SAMD5: variants seen among roughly 807,000 people sequenced by gnomAD.
The protein encoded by SAMD5 is sterile alpha motif domain containing 5.
A neutral mutation model predicts 11.3 loss-of-function variants in SAMD5; 13 were observed. The observed-to-expected ratio is 1.15, with a 90% CI of 0.75 to 1.83. SAMD5 has a LOEUF of 1.83. SAMD5 is among the 40% of genes most tolerant of loss of function. The pLI, the probability that SAMD5 is intolerant of heterozygous loss-of-function variation, is 0.00. For synonymous variants in SAMD5, 129 were observed against 111.3 expected (o/e 1.16, Z -1.00); for missense variants, 255 against 239.1 (o/e 1.07, Z -0.44).
At chr6:147,529,208 A>C (rs1363095744) in intron 1 of SAMD5, among the ~76,000 whole-genome samples, 2 of 152,356 alleles carry the variant, frequency 1.3e-5, no homozygotes, top group East Asian at 3.9e-4. Context: ...CAATAAAACT[A>C]CTAGGGAAAT....
intron 1 of SAMD5, among the ~76,000 whole-genome samples, chr6:147,697,436 G>T (rs1018846539): frequency 1.3e-5 from 2 of 152,050 alleles, no homozygotes; most frequent in Non-Finnish European, 2.9e-5. Context: ...GAAAACATGG[G>T]GTATGTAGGC....
the SAMD5 span, among the ~76,000 whole-genome samples, chr6:147,864,059 G>T: frequency 2.0e-5 from 3 of 151,840 alleles, no homozygotes; most frequent in African/African-American, 7.3e-5. Context: ...GGCCAGGCTG[G>T]TCTCAAACTC....
chr6:147,876,184 G>C, the SAMD5 span, among the ~76,000 whole-genome samples: 108 of 152,236 alleles, frequency 7.1e-4, no homozygotes, highest in African/African-American at 2.5e-3. Context: ...TTTAAACAAG[G>C]GGTCCTGCAT....
At chr6:147,548,703 T>C (rs1027170188) in intron 1 of SAMD5, among the ~76,000 whole-genome samples, 1 of 152,180 alleles carries the variant, frequency 6.6e-6, no homozygotes, top group Non-Finnish European at 1.5e-5. Flanking sequence ...ACTTAATATT[T>C]CTAAAAATAT....
chr6:147,527,256 T>C (rs139579166), intron 1 of SAMD5, among the ~76,000 whole-genome samples: 1 of 152,082 alleles, frequency 6.6e-6, no homozygotes, highest in Non-Finnish European at 1.5e-5. Context: ...CTACAGGCTG[T>C]ACAGGAAGCA....
intron 1 of SAMD5, among the ~76,000 whole-genome samples, chr6:147,563,905 T>C (rs1305875666): frequency 1.4e-4 from 22 of 152,242 alleles, no homozygotes; most frequent in Admixed American, 1.4e-3. Flanking sequence ...GAATCATTTT[T>C]ACTTTGGAAG....
chr6:147,803,374 T>G, the SAMD5 span, among the ~76,000 whole-genome samples: 1 of 152,128 alleles, frequency 6.6e-6, no homozygotes, highest in South Asian at 2.1e-4. Flanking sequence ...GCCATCGTCG[T>G]CTCTCACCTG....
intron 1 of SAMD5, among the ~76,000 whole-genome samples, chr6:147,726,574 G>A (rs1432440798): frequency 2.0e-5 from 3 of 152,202 alleles, no homozygotes; most frequent in African/African-American, 7.2e-5. Context: ...ATTTTGCAAA[G>A]CTGTTGTTTG....
At chr6:147,805,280 G>A in the SAMD5 span, among the ~76,000 whole-genome samples, 64,743 of 152,108 alleles carry the variant, frequency 0.43, 15,605 homozygotes, top group African/African-American at 0.67. Context: ...CAGCTTGGAA[G>A]TGCCCAAGTG....
chr6:147,806,588 A>AT, the SAMD5 span, among the ~76,000 whole-genome samples: 2 of 152,272 alleles, frequency 1.3e-5, no homozygotes, highest in African/African-American at 2.4e-5. Context: ...TTGCCTGCCT[A>AT]TACCACTGAA....
the SAMD5 span, among the ~76,000 whole-genome samples, chr6:147,941,349 G>T: frequency 9.9e-3 from 1,508 of 152,270 alleles, 19 homozygotes; most frequent in African/African-American, 0.035. Context: ...ATTCCTACAG[G>T]CATGTGGTTA....
the SAMD5 span, among the ~76,000 whole-genome samples, chr6:147,785,814 T>G: frequency 6.6e-6 from 1 of 152,186 alleles, no homozygotes; most frequent in Non-Finnish European, 1.5e-5. Flanking sequence ...TTAACAGTGT[T>G]ACTACAGGAA....
chr6:147,934,285 C>A, the SAMD5 span, among the ~76,000 whole-genome samples: 1 of 152,126 alleles, frequency 6.6e-6, no homozygotes, highest in Non-Finnish European at 1.5e-5. Flanking sequence ...AAATTAGAAT[C>A]TTTATGTAAA....
chr6:147,718,689 C>T (rs62436349), intron 1 of SAMD5, among the ~76,000 whole-genome samples: 1,843 of 89,214 alleles, frequency 0.021, 15 homozygotes, highest in Non-Finnish European at 0.031. Flanking sequence ...GGCTCTTTCT[C>T]GTTTTTTTTC....
the SAMD5 span, among the ~76,000 whole-genome samples, chr6:147,790,732 ATCTCTCTC>A: frequency 3.5e-5 from 3 of 85,196 alleles, no homozygotes; most frequent in African/African-American, 5.6e-5. Flanking sequence ...GAATTGGTCG[ATCTCTCTC>A]TCTCTCTCTC....
At chr6:147,627,317 G>C (rs954617034) in intron 1 of SAMD5, among the ~76,000 whole-genome samples, 6 of 152,168 alleles carry the variant, frequency 3.9e-5, no homozygotes, top group African/African-American at 1.4e-4. Flanking sequence ...GATGGCTTTA[G>C]AGGACCGGGG....
At chr6:147,583,998 A>T (rs1789338828) in intron 1 of SAMD5, among the ~76,000 whole-genome samples, 1 of 152,178 alleles carries the variant, frequency 6.6e-6, no homozygotes. Context: ...AAAGACTTTA[A>T]AATGCTCTGA....
chr6:147,587,652 C>T (rs144677283), intron 1 of SAMD5, among the ~76,000 whole-genome samples: 1,743 of 152,258 alleles, frequency 0.011, 128 homozygotes, highest in Admixed American at 0.1. Context: ...GTTATAATGG[C>T]TATATTAATA....
intron 1 of SAMD5, among the ~76,000 whole-genome samples, chr6:147,647,370 T>C (rs1199627265): frequency 6.6e-6 from 1 of 151,744 alleles, no homozygotes; most frequent in Non-Finnish European, 1.5e-5. Flanking sequence ...CTGGTTTAAT[T>C]AATTGTGCAG....
Sources: gnomAD v4.1 joint callset for allele counts (sites outside exome capture counted in the v4.1 genomes callset) on GRCh38, gnomAD v4.1.1 for gene constraint, MANE v1.5 for transcripts, NCBI Gene and HGNC (gene_info 2026-07-23, HGNC 2026-07-21) for gene names.